The following MGLL variants were observed in gnomAD, a reference collection of about 807,000 sequenced individuals.
The protein encoded by MGLL is monoglyceride lipase.
Under a neutral mutation model 29.1 loss-of-function variants are expected in MGLL, and 7 were observed. The observed-to-expected ratio is 0.24, with a 90% CI of 0.14 to 0.45. The LOEUF is 0.45. Ranked by LOEUF, MGLL falls within the 20% of genes least tolerant of loss-of-function variation. The probability of loss-of-function intolerance (pLI) is 0.99; values close to 1 mark genes in which losing one functional copy is unlikely to be tolerated. For missense variants in MGLL, 356 were observed against 413.6 expected (o/e 0.86, Z 1.21); for synonymous variants, 148 against 168.3 (o/e 0.88, Z 0.93).
At chr3:127,784,442 C>T (rs532522069) in intron 2 of MGLL, among the ~76,000 whole-genome samples, 2 of 152,290 alleles carry the variant, frequency 1.3e-5, no homozygotes, top group South Asian at 2.1e-4. Context: ...ATGCAGCCAT[C>T]GTAGAAACTT....
chr3:127,701,024 G>C (rs2075469704), intron 6 of MGLL, among the ~76,000 whole-genome samples: 1 of 151,966 alleles, frequency 6.6e-6, no homozygotes, highest in Non-Finnish European at 1.5e-5. Context: ...GAACCAGCCT[G>C]GGCAACATGG....
upstream of MGLL, chr3:127,822,782 C>A (rs6795640): frequency 0.021 from 3,405 of 161,986 alleles, 117 homozygotes; most frequent in African/African-American, 0.076. Context: ...AAGCTGTCAT[C>A]GGAAATGCCG....
intron 6 of MGLL, among the ~76,000 whole-genome samples, chr3:127,700,027 C>T (rs1410620515): frequency 1.3e-5 from 2 of 152,218 alleles, no homozygotes; most frequent in Non-Finnish European, 2.9e-5. Context: ...CCTACGGAAG[C>T]GTCACCCTTC....
At chr3:127,726,121 A>AAAGAAAGAAAGC (rs2076026921) in intron 3 of MGLL, among the ~76,000 whole-genome samples, 1 of 19,950 alleles carries the variant, frequency 5.0e-5, no homozygotes, top group Non-Finnish European at 1.1e-4. Flanking sequence ...AGAAAGCAGG[A>AAAGAAAGAAAGC]AAGAAAGAAA....
intron 6 of MGLL, among the ~76,000 whole-genome samples, chr3:127,701,321 G>T (rs1559907816): frequency 1.3e-5 from 2 of 151,998 alleles, no homozygotes; most frequent in Non-Finnish European, 2.9e-5. Context: ...GCTGAAGGCT[G>T]GAAACAGCTG....
At chr3:127,743,599 A>AT (rs869136288) in intron 3 of MGLL, among the ~76,000 whole-genome samples, 18 of 142,002 alleles carry the variant, frequency 1.3e-4, no homozygotes, top group African/African-American at 4.6e-4. Flanking sequence ...AAAAAAAAAA[A>AT]GTCCAAGCAG....
chr3:127,803,183 T>C (rs985677006), intron 2 of MGLL, among the ~76,000 whole-genome samples: 1 of 152,254 alleles, frequency 6.6e-6, no homozygotes, highest in Non-Finnish European at 1.5e-5. Flanking sequence ...TTTTGCCATG[T>C]TGGCCAGGCT....
At chr3:127,782,031 A>G in intron 2 of MGLL, 136 bp from the exon 3 acceptor site, 1 of 773,866 alleles carries the variant, frequency 1.3e-6, no homozygotes, top group South Asian at 1.5e-5. Context: ...GACCAGCCTG[A>G]CCAACATAGT....
intron 3 of MGLL, among the ~76,000 whole-genome samples, chr3:127,773,756 C>G (rs1245502359): frequency 6.6e-6 from 1 of 152,204 alleles, no homozygotes; most frequent in Non-Finnish European, 1.5e-5. Flanking sequence ...CAAGGAGACT[C>G]AGGCTCGCCA....
intron 2 of MGLL, among the ~76,000 whole-genome samples, chr3:127,793,153 A>G (rs1419128046): frequency 2.6e-5 from 4 of 152,162 alleles, no homozygotes; most frequent in Non-Finnish European, 5.9e-5. Context: ...AAATAAAGCA[A>G]TCGGAGTCGA....
chr3:127,739,070 A>G (rs759941375), intron 3 of MGLL, among the ~76,000 whole-genome samples: 6 of 152,210 alleles, frequency 3.9e-5, no homozygotes, highest in Admixed American at 3.3e-4. Context: ...CTGCATCTTA[A>G]ATGATACACA....
chr3:127,797,181 C>A (rs1026545382), intron 2 of MGLL, among the ~76,000 whole-genome samples: 3 of 152,050 alleles, frequency 2.0e-5, no homozygotes, highest in Non-Finnish European at 2.9e-5. Flanking sequence ...GCATCAAAAT[C>A]GTCTCTCCAG....
At chr3:127,815,834 A>T (rs2077745135) in intron 2 of MGLL, among the ~76,000 whole-genome samples, 1 of 152,162 alleles carries the variant, frequency 6.6e-6, no homozygotes. Context: ...TATTATAATT[A>T]TCCGTGTGTT....
chr3:127,802,918 A>T (rs1331144530), intron 2 of MGLL, among the ~76,000 whole-genome samples: 1 of 152,040 alleles, frequency 6.6e-6, no homozygotes, highest in Non-Finnish European at 1.5e-5. Context: ...TGCTGGTATG[A>T]CTGACCTCGC....
chr3:127,819,867 C>T (rs553573773), intron 2 of MGLL, among the ~76,000 whole-genome samples: 2 of 152,076 alleles, frequency 1.3e-5, no homozygotes, highest in African/African-American at 4.8e-5. Flanking sequence ...AAGACTGCCC[C>T]AAGATCCAGC....
chr3:127,808,191 A>G (rs2077603008), intron 2 of MGLL, among the ~76,000 whole-genome samples: 1 of 152,224 alleles, frequency 6.6e-6, no homozygotes, highest in Non-Finnish European at 1.5e-5. Flanking sequence ...TGTGACAGAA[A>G]GTGATTCCCA....
intron 2 of MGLL, among the ~76,000 whole-genome samples, chr3:127,786,855 C>T (rs540703791): frequency 1.3e-5 from 2 of 152,290 alleles, no homozygotes; most frequent in Admixed American, 6.5e-5. Context: ...CACTAGGAAG[C>T]CATTTGCTCC....
intron 7 of MGLL, 32 bp downstream of exon 7, chr3:127,694,943 T>TG: frequency 6.3e-7 from 1 of 1,592,428 alleles, no homozygotes; most frequent in African/African-American, 1.3e-5. Context: ...CCCTCCACCT[T>TG]GGGGGGAAGT....
chr3:127,724,806 C>G (rs1327243859), intron 3 of MGLL, among the ~76,000 whole-genome samples: 1 of 152,220 alleles, frequency 6.6e-6, no homozygotes, highest in East Asian at 1.9e-4. Flanking sequence ...CTGGGCATCT[C>G]TTCCGTATGT....
Sources: gnomAD v4.1 joint callset for allele counts (sites outside exome capture counted in the v4.1 genomes callset) on GRCh38, gnomAD v4.1.1 for gene constraint, MANE v1.5 for transcripts, NCBI Gene and HGNC (gene_info 2026-07-23, HGNC 2026-07-21) for gene names.